The following PINX1 variants were observed in gnomAD, a reference collection of about 807,000 sequenced individuals.
PINX1 encodes the protein PIN2/TERF1-interacting telomerase inhibitor 1.
In PINX1, 34 loss-of-function variants were observed where a neutral mutation model predicts 25.4. The observed-to-expected ratio is 1.34, with a 90% CI of 1.02 to 1.78. The LOEUF (loss-of-function observed/expected upper bound fraction) is 1.78, where lower values mean the gene tolerates loss of function less well. Ranked by LOEUF, PINX1 falls within the 40% of genes most tolerant of loss-of-function variation. The pLI is 0.00. For synonymous variants in PINX1, 197 were observed against 147.7 expected (o/e 1.33, Z -2.42); for missense variants, 592 against 404.9 (o/e 1.46, Z -3.97).
At chr8:10,796,111 G>C (rs915198124) in intron 6 of PINX1, among the ~76,000 whole-genome samples, 1 of 152,308 alleles carries the variant, frequency 6.6e-6, no homozygotes, top group East Asian at 1.9e-4. Flanking sequence ...ATAACGGGAT[G>C]GGAGATTCTG....
At chr8:10,833,522 G>A in intron 2 of PINX1, 1 of 158,664 alleles carries the variant, frequency 6.3e-6, no homozygotes. Flanking sequence ...AGTGGCTGAA[G>A]CAGGGCTCTG....
At chr8:10,829,285 CAA>C (rs57684473) in intron 4 of PINX1, among the ~76,000 whole-genome samples, 1,893 of 90,464 alleles carry the variant, frequency 0.021, 34 homozygotes, top group African/African-American at 0.072. Flanking sequence ...GACTCCATCT[CAA>C]AAAAAAAAAA....
At chr8:10,811,734 C>T (rs926353420) in intron 6 of PINX1, among the ~76,000 whole-genome samples, 29 of 152,252 alleles carry the variant, frequency 1.9e-4, no homozygotes, top group Admixed American at 5.2e-4. Context: ...GCCTGGGCAC[C>T]GGGCCTCCTC....
At chr8:10,801,823 G>C (rs1430425221) in intron 6 of PINX1, among the ~76,000 whole-genome samples, 2 of 152,168 alleles carry the variant, frequency 1.3e-5, no homozygotes. Context: ...AGACTGCCAG[G>C]AGAACAGATT....
intron 6 of PINX1, among the ~76,000 whole-genome samples, chr8:10,785,105 T>TTTTAAGCTAG (rs1801706377): frequency 1.3e-5 from 2 of 152,330 alleles, no homozygotes; most frequent in South Asian, 4.1e-4. Flanking sequence ...TCCCATAACG[T>TTTTAAGCTAG]TTTAAGCTAG....
chr8:10,797,476 C>T (rs966482917), intron 6 of PINX1, among the ~76,000 whole-genome samples: 6 of 152,174 alleles, frequency 3.9e-5, no homozygotes, highest in African/African-American at 1.4e-4. Context: ...TTATAGGAGA[C>T]AATATTGTTG....
chr8:10,799,342 G>A (rs1192203768), intron 6 of PINX1, among the ~76,000 whole-genome samples: 6 of 152,184 alleles, frequency 3.9e-5, no homozygotes, highest in Non-Finnish European at 7.3e-5. Context: ...CGTGTTTGCT[G>A]TTGCTTTTAC....
In PINX1 at chr8:10,777,825, C is replaced by T. The variant is rs548056658; in HGVS notation, c.472-11909G>A. On this transcript the variant is annotated intron_variant, in intron 6 of 6. Coordinates refer to ENST00000314787, the MANE Select transcript of PINX1 (RefSeq NM_017884.6). ...GCCTTGTGCGACTGGCTCCTGGGCACGTAGCACAGGATGGATCTGCTATCA... is the reference window on the plus strand; with the variant it reads ...GCCTTGTGCGACTGGCTCCTGGGCATGTAGCACAGGATGGATCTGCTATCA... Among the ~76,000 whole-genome samples, 32 of 152,276 alleles carry T rather than the reference C, an allele frequency of 2.1e-4. No individual in the cohort carries two copies. The South Asian group carries it at 4.4e-3, about 21-fold the overall frequency.
At chr8:10,801,873 T>G (rs1159688167) in intron 6 of PINX1, among the ~76,000 whole-genome samples, 1 of 152,110 alleles carries the variant, frequency 6.6e-6, no homozygotes, top group South Asian at 2.1e-4. Context: ...TGACCACGGG[T>G]ATCGTCCTGG....
intron 6 of PINX1, among the ~76,000 whole-genome samples, chr8:10,773,962 G>A (rs116854520): frequency 0.028 from 4,215 of 152,318 alleles, 92 homozygotes; most frequent in Non-Finnish European, 0.041. Flanking sequence ...TGTGACACAG[G>A]CCTCAACTTC....
chr8:10,777,387 G>C (rs1351569168), intron 6 of PINX1, among the ~76,000 whole-genome samples: 2 of 152,222 alleles, frequency 1.3e-5, no homozygotes, highest in African/African-American at 4.8e-5. Context: ...GCCAGTTTAT[G>C]TCTCTTGTCC....
intron 6 of PINX1, among the ~76,000 whole-genome samples, chr8:10,808,646 G>A (rs1025218292): frequency 2.6e-5 from 4 of 152,192 alleles, no homozygotes; most frequent in African/African-American, 9.7e-5. Flanking sequence ...AACTGATAGA[G>A]CCAAGATTTT....
chr8:10,829,542 C>A (rs559977444), intron 4 of PINX1, among the ~76,000 whole-genome samples: 2 of 152,222 alleles, frequency 1.3e-5, no homozygotes, highest in South Asian at 2.1e-4. Flanking sequence ...CGAGGTACAG[C>A]CATGTTCAGC....
chr8:10,803,319 TCAAA>T (rs1220844693), intron 6 of PINX1, among the ~76,000 whole-genome samples: 10 of 152,328 alleles, frequency 6.6e-5, no homozygotes, highest in Non-Finnish European at 1.2e-4. Flanking sequence ...GCACATCTAA[TCAAA>T]CAGACAATAA....
intron 6 of PINX1, among the ~76,000 whole-genome samples, chr8:10,792,102 G>C (rs1269059844): frequency 6.6e-6 from 1 of 152,144 alleles, no homozygotes; most frequent in African/African-American, 2.4e-5. Flanking sequence ...TGAGTCTCTG[G>C]ATAAAGGTCC....
At chr8:10,828,299 G>A (rs571063293) in intron 4 of PINX1, among the ~76,000 whole-genome samples, 2 of 152,290 alleles carry the variant, frequency 1.3e-5, no homozygotes, top group South Asian at 4.1e-4. Flanking sequence ...CAATGCTGAT[G>A]TTCCAATCAC....
chr8:10,775,049 C>G (rs1801345004), intron 6 of PINX1, among the ~76,000 whole-genome samples: 1 of 152,122 alleles, frequency 6.6e-6, no homozygotes, highest in Non-Finnish European at 1.5e-5. Flanking sequence ...AAAGCCAATT[C>G]TACTCAAGAA....
At chr8:10,831,848 T>C in intron 3 of PINX1, 105 bp from the exon 4 acceptor site, 1 of 670,598 alleles carries the variant, frequency 1.5e-6, no homozygotes. Context: ...AATTAAGAAA[T>C]TTTAAATGTT....
rs1210155225 is a variant in PINX1, at chr8:10,826,189, G to T, written c.357C>A (p.Ile119=). Residue 119 remains isoleucine (I), a synonymous_variant, in exon 5 of 7, where the codon ATC becomes ATA. Coordinates refer to ENST00000314787, the MANE Select transcript of PINX1 (RefSeq NM_017884.6). ...TCATATAGTGAACACGGTTTTTGGA[G>T]ATTTTGGACTTTTCCTCAAGGCTAA... ...KSFSLEEKSK[I]SKNRVHYMKF... is the part of the protein sequence containing the mutation. 6.3e-7 allele frequency: 1 copy of T among 1,595,516 alleles called. No individual in the cohort carries two copies. Among genetic ancestry groups the T allele is most frequent in the Non-Finnish European group, 8.6e-7 (1 of 1,166,548 alleles).
Sources: gnomAD v4.1 joint callset for allele counts (sites outside exome capture counted in the v4.1 genomes callset) on GRCh38, gnomAD v4.1.1 for gene constraint, MANE v1.5 for transcripts, NCBI Gene and HGNC (gene_info 2026-07-23, HGNC 2026-07-21) for gene names.